The following DAAM2 variants were observed in gnomAD, a reference collection of about 807,000 sequenced individuals.
DAAM2 encodes the protein dishevelled associated activator of morphogenesis 2.
DAAM2 carries 39 observed loss-of-function variants against 120.7 expected under a neutral mutation model. The observed-to-expected ratio is 0.32, with a 90% CI of 0.25 to 0.42. DAAM2 has a LOEUF of 0.42. DAAM2 is among the 10% of genes least tolerant of loss of function. The probability of loss-of-function intolerance (pLI) is 1.00; values close to 1 mark genes in which losing one functional copy is unlikely to be tolerated. For missense variants in DAAM2, 1,283 were observed against 1,401.7 expected, an observed-to-expected ratio of 0.92 and a Z score of 1.35; for synonymous variants, 488 against 524.9, an observed-to-expected ratio of 0.93 and a Z score of 0.96.
chr6:39,833,064 G>C (rs572159888), intron 1 of DAAM2, among the ~76,000 whole-genome samples: 1 of 151,986 alleles, frequency 6.6e-6, no homozygotes, highest in South Asian at 2.1e-4. Flanking sequence ...GTTTAGGCAG[G>C]GTTTATCCAC....
intron 1 of DAAM2, among the ~76,000 whole-genome samples, chr6:39,794,134 T>G (rs750454444): frequency 1.3e-5 from 2 of 152,060 alleles, no homozygotes; most frequent in South Asian, 4.1e-4. Flanking sequence ...TCAACTGAAG[T>G]GTAATGAAGG....
intron 15 of DAAM2, chr6:39,886,621 G>A (rs1765391804): frequency 2.5e-6 from 1 of 396,004 alleles, no homozygotes; most frequent in Non-Finnish European, 4.4e-6. Flanking sequence ...TGTAGCAGAG[G>A]GAGGTAATCA....
At chr6:39,812,210 T>C (rs1376595128) in intron 1 of DAAM2, among the ~76,000 whole-genome samples, 2 of 152,042 alleles carry the variant, frequency 1.3e-5, no homozygotes, top group Admixed American at 6.6e-5. Flanking sequence ...CTATGAAGGG[T>C]TTTATACACT....
chr6:39,865,476 A>G (rs551256038), intron 5 of DAAM2, among the ~76,000 whole-genome samples: 66 of 152,332 alleles, frequency 4.3e-4, no homozygotes, highest in African/African-American at 1.5e-3. Flanking sequence ...CGGGTAGAGA[A>G]GTACTCCAAC....
At chr6:39,882,481 T>C (rs1414462349) in intron 14 of DAAM2, among the ~76,000 whole-genome samples, 3 of 151,962 alleles carry the variant, frequency 2.0e-5, no homozygotes, top group Admixed American at 1.3e-4. Context: ...GATGGGAAGC[T>C]TTACCTCTGC....
At chr6:39,833,573 G>A (rs1185615074) in intron 1 of DAAM2, among the ~76,000 whole-genome samples, 1 of 152,178 alleles carries the variant, frequency 6.6e-6, no homozygotes, top group East Asian at 1.9e-4. Flanking sequence ...CTCCCAAAGT[G>A]CTGAGATTAC....
At chr6:39,815,381 C>T (rs932711147) in intron 1 of DAAM2, among the ~76,000 whole-genome samples, 1 of 152,202 alleles carries the variant, frequency 6.6e-6, no homozygotes, top group Admixed American at 6.5e-5. Flanking sequence ...AATTCTGTCT[C>T]TAAGGCTCAC....
chr6:39,901,851 G>A lies in DAAM2; in HGVS notation c.3021G>A (p.Gln1007=), dbSNP rs888122428. ...GGGAACGTGAGCGGTGGCAGCGGCA[G>A]CGGAAGGTCCTGGCTGCAGGCAGCT... ...EQRERERWQR[Q]RKVLAAGSSL... Residue 1007 remains glutamine, a synonymous_variant, in exon 25 of 25, where the codon CAG becomes CAA. Coordinates refer to ENST00000274867, the MANE Select transcript of DAAM2 (RefSeq NM_001201427.2). The surrounding 1 kb of genome is among the most constrained non-coding windows in gnomAD (Gnocchi z 4.5). 6.4e-7 allele frequency: 1 copy of A among 1,569,848 alleles called. No homozygotes were observed. Among genetic ancestry groups the A allele is most frequent in the African/African-American group, 1.4e-5 (1 of 73,728 alleles).
intron 1 of DAAM2, among the ~76,000 whole-genome samples, chr6:39,817,823 A>G (rs1414629888): frequency 3.3e-5 from 5 of 152,142 alleles, no homozygotes. Context: ...TACCCACATT[A>G]TGGAGGGTAA....
chr6:39,898,781 C>T, intron 21 of DAAM2, 96 bp from the exon 22 acceptor site: 3 of 1,048,558 alleles, frequency 2.9e-6, no homozygotes, highest in Non-Finnish European at 4.4e-6. Flanking sequence ...ACTCCCAGGC[C>T]ACTGTGCTTG....
intron 4 of DAAM2, 30 bp downstream of exon 4, chr6:39,864,537 C>T: frequency 1.9e-6 from 3 of 1,580,206 alleles, no homozygotes; most frequent in South Asian, 1.1e-5. Context: ...CTGCCCTGCC[C>T]CCACCTGGAA....
At chr6:39,802,786 C>T (rs1258482202) in intron 1 of DAAM2, among the ~76,000 whole-genome samples, 2 of 152,114 alleles carry the variant, frequency 1.3e-5, no homozygotes, top group Non-Finnish European at 2.9e-5. Context: ...AGAAAAAATA[C>T]ACAATTTTTG....
At chr6:39,869,720 G>A (rs1443814551) in intron 7 of DAAM2, among the ~76,000 whole-genome samples, 1 of 140,728 alleles carries the variant, frequency 7.1e-6, no homozygotes, top group Non-Finnish European at 1.6e-5. Context: ...GCAATTTAAT[G>A]ATCTTTACTT....
chr6:39,829,769 G>A (rs368892788), intron 1 of DAAM2, among the ~76,000 whole-genome samples: 7 of 152,138 alleles, frequency 4.6e-5, no homozygotes, highest in African/African-American at 1.7e-4. Flanking sequence ...AGAGGGCTTA[G>A]TTTCTGGTAA....
Position 39,873,277 on chromosome 6 carries a change from T to C in DAAM2, c.1084T>C (p.Leu362=), listed in dbSNP as rs748510876. 1.2e-6 allele frequency: 2 copies of C among 1,613,436 alleles called. No homozygotes were observed. The highest frequency in any genetic ancestry group is 1.7e-6 in the Non-Finnish European group (2 of 1,179,738). ...CAAGAGTGCTTCCCAGATGTTTGAG[T>C]TGATCCACAAGAAGCTGAAGTACAC... ...DTKSASQMFE[L]IHKKLKYTEA... Residue 362 remains leucine (L), a synonymous_variant, in exon 10 of 25, where the codon TTG becomes CTG. Transcript: ENST00000274867.
At chr6:39,797,084 T>TG (rs966829254) in intron 1 of DAAM2, among the ~76,000 whole-genome samples, 5 of 152,194 alleles carry the variant, frequency 3.3e-5, no homozygotes, top group Non-Finnish European at 5.9e-5. Context: ...TATACAAAAG[T>TG]GGGGCACAGA....
At chr6:39,865,412 C>T (rs1213547736) in intron 5 of DAAM2, among the ~76,000 whole-genome samples, 2 of 152,156 alleles carry the variant, frequency 1.3e-5, no homozygotes, top group African/African-American at 4.8e-5. Flanking sequence ...AAGAAAGAGC[C>T]TTGTGAGGAT....
intron 6 of DAAM2, chr6:39,868,377 C>G (rs962504090): frequency 1.4e-5 from 3 of 219,074 alleles, no homozygotes; most frequent in African/African-American, 4.5e-5. Flanking sequence ...GTGCCTGGCA[C>G]AGAGTAAGTC....
intron 1 of DAAM2, among the ~76,000 whole-genome samples, chr6:39,828,778 G>A (rs1762772735): frequency 6.6e-6 from 1 of 151,888 alleles, no homozygotes; most frequent in African/African-American, 2.4e-5. Context: ...GGCCTGGATG[G>A]TGTTGATCTC....
Sources: gnomAD v4.1 joint callset for allele counts (sites outside exome capture counted in the v4.1 genomes callset) on GRCh38, gnomAD v4.1.1 for gene constraint, Gnocchi (gnomAD v3.1) non-coding constraint, MANE v1.5 for transcripts, NCBI Gene and HGNC (gene_info 2026-07-23, HGNC 2026-07-21) for gene names.